Variants in KCND2 observed in about 807,000 individuals in gnomAD.
The protein encoded by KCND2 is A-type voltage-gated potassium channel KCND2.
KCND2 carries 16 observed loss-of-function variants against 54.4 expected under a neutral mutation model. The ratio of observed to expected loss-of-function variants is 0.29; its 90% CI spans 0.20 to 0.45. KCND2 has a LOEUF of 0.45. Ranked by LOEUF, KCND2 falls within the 20% of genes least tolerant of loss-of-function variation. The pLI, the probability that KCND2 is intolerant of heterozygous loss-of-function variation, is 1.00. For synonymous variants in KCND2, 317 were observed against 310.7 expected, an observed-to-expected ratio of 1.02 and a Z score of -0.21; for missense variants, 486 against 824.2, an observed-to-expected ratio of 0.59 and a Z score of 5.02.
intron 1 of KCND2, among the ~76,000 whole-genome samples, chr7:120,392,685 G>A (rs956991699): frequency 1.3e-5 from 2 of 151,792 alleles, no homozygotes; most frequent in African/African-American, 4.8e-5. Flanking sequence ...TTTCCTTACT[G>A]GAGTGATTCT....
intron 1 of KCND2, among the ~76,000 whole-genome samples, chr7:120,719,010 G>A (rs1792636915): frequency 6.6e-6 from 1 of 152,058 alleles, no homozygotes; most frequent in East Asian, 1.9e-4. Context: ...ATTGAACCAA[G>A]TGTTCAATTT....
At chr7:120,522,197 G>A in intron 1 of KCND2, among the ~76,000 whole-genome samples, 1 of 152,096 alleles carries the variant, frequency 6.6e-6, no homozygotes, top group East Asian at 1.9e-4. Context: ...CTGTTGGCAG[G>A]AAGTGAAATT....
At chr7:120,481,852 A>T (rs1383038640) in intron 1 of KCND2, among the ~76,000 whole-genome samples, 1 of 152,218 alleles carries the variant, frequency 6.6e-6, no homozygotes, top group Non-Finnish European at 1.5e-5. Context: ...CTTCACCTAG[A>T]TTTCAAAGGA....
chr7:120,574,557 T>C (rs1584834350), intron 1 of KCND2, among the ~76,000 whole-genome samples: 1 of 152,198 alleles, frequency 6.6e-6, no homozygotes, highest in East Asian at 1.9e-4. Context: ...CATAAACTTC[T>C]AGACTGGTGG....
At chr7:120,621,654 AT>A (rs1793100758) in intron 1 of KCND2, among the ~76,000 whole-genome samples, 1 of 152,238 alleles carries the variant, frequency 6.6e-6, no homozygotes, top group Non-Finnish European at 1.5e-5. Context: ...GATTTTTTAA[AT>A]AAAAAATGAA....
At chr7:120,276,380 G>A (rs969524753) in intron 1 of KCND2, among the ~76,000 whole-genome samples, 3 of 152,100 alleles carry the variant, frequency 2.0e-5, no homozygotes, top group African/African-American at 7.2e-5. Context: ...TCTACAATAT[G>A]CAGTGGAATT....
At chr7:120,476,381 T>C (rs7798075) in intron 1 of KCND2, among the ~76,000 whole-genome samples, 42,940 of 152,084 alleles carry the variant, frequency 0.28, 8,905 homozygotes, top group African/African-American at 0.57. Flanking sequence ...AAATCCTTGT[T>C]TTTGTTCAGT....
intron 1 of KCND2, among the ~76,000 whole-genome samples, chr7:120,415,813 C>T (rs111553989): frequency 1.2e-3 from 179 of 152,288 alleles, no homozygotes; most frequent in African/African-American, 3.9e-3. Context: ...TGTTCAGAAG[C>T]ACATCAAATT....
At chr7:120,571,288 A>G (rs1404921935) in intron 1 of KCND2, among the ~76,000 whole-genome samples, 1 of 152,212 alleles carries the variant, frequency 6.6e-6, no homozygotes, top group Non-Finnish European at 1.5e-5. Context: ...ATATGAATTA[A>G]AGAGAGAAAA....
intron 1 of KCND2, among the ~76,000 whole-genome samples, chr7:120,474,809 T>C (rs1312427217): frequency 6.6e-6 from 1 of 152,180 alleles, no homozygotes; most frequent in Non-Finnish European, 1.5e-5. Context: ...TATTTGTTTC[T>C]CTATATATTG....
At chr7:120,553,011 C>T (rs1192724505) in intron 1 of KCND2, among the ~76,000 whole-genome samples, 4 of 152,252 alleles carry the variant, frequency 2.6e-5, no homozygotes, top group African/African-American at 9.6e-5. Context: ...ATTAACGTAT[C>T]CATCACCTCA....
At chr7:120,708,910 G>T (rs1036813179) in intron 1 of KCND2, among the ~76,000 whole-genome samples, 4 of 152,012 alleles carry the variant, frequency 2.6e-5, no homozygotes, top group Non-Finnish European at 2.9e-5. Flanking sequence ...TGTTTACCCA[G>T]TAGGCTCTAT....
Position 120,466,782 on chromosome 7 carries a change from G to A in KCND2, c.1115+191035G>A, listed in dbSNP as rs113482304. 9.5e-3 allele frequency among the ~76,000 whole-genome samples: 1,451 copies of A among 152,192 alleles called. 26 individuals are homozygous for A. The highest frequency in any genetic ancestry group is 0.033 in the African/African-American group (1,377 of 41,526). On this transcript the variant is annotated intron_variant, in intron 1 of 5. Transcript: ENST00000331113. ...TCTGATATCCAGAAGTCTGAAATGA[G>A]TCTTATGCGTCTAAAACCAAGGTAC...
intron 1 of KCND2, among the ~76,000 whole-genome samples, chr7:120,617,995 A>C (rs575661345): frequency 1.4e-4 from 21 of 151,960 alleles, no homozygotes; most frequent in Non-Finnish European, 2.6e-4. Context: ...AACAACAAAC[A>C]CCAGAGCCTA....
intron 1 of KCND2, among the ~76,000 whole-genome samples, chr7:120,676,257 A>T (rs1792059502): frequency 6.6e-6 from 1 of 152,144 alleles, no homozygotes; most frequent in South Asian, 2.1e-4. Context: ...AATTTTATTT[A>T]ACTTTTTGGT....
chr7:120,424,080 A>T (rs1019836286), intron 1 of KCND2, among the ~76,000 whole-genome samples: 6 of 152,186 alleles, frequency 3.9e-5, no homozygotes, highest in Non-Finnish European at 8.8e-5. Context: ...TTTTCTCTAA[A>T]TCCTGGCTAT....
intron 1 of KCND2, among the ~76,000 whole-genome samples, chr7:120,532,846 A>G (rs193087052): frequency 2.4e-3 from 372 of 152,098 alleles, no homozygotes; most frequent in Non-Finnish European, 3.9e-3. Context: ...AAATGCTCAC[A>G]GGGAAATATA....
In KCND2 at chr7:120,275,225, C is replaced by A; in HGVS notation, c.593C>A (p.Ser198Tyr). Residue 198 changes from serine to tyrosine, a missense_variant, in exon 1 of 6, where the codon TCT becomes TAT. By Grantham distance (144) the Ser-to-Tyr change is moderately radical. This residue lies in a region of KCND2 where 231 missense variants were observed against 386.0 expected (regional missense o/e 0.60). Transcript: ENST00000331113. Reference sequence around the variant, plus strand: ...GTCACGGGGTTTTTCATTGCCGTCTCTGTCATCGCGAATGTGGTGGAAACA... The same window carrying A: ...GTCACGGGGTTTTTCATTGCCGTCTATGTCATCGCGAATGTGGTGGAAACA... ...YYVTGFFIAV[S>Y]VIANVVETVP... is the part of the protein sequence containing the mutation. The A allele has an allele frequency of 6.2e-7, 1 of 1,613,948 alleles. No homozygotes were observed.
intron 1 of KCND2, among the ~76,000 whole-genome samples, chr7:120,427,670 T>A (rs1207872376): frequency 6.6e-6 from 1 of 152,244 alleles, no homozygotes; most frequent in Non-Finnish European, 1.5e-5. Flanking sequence ...TCCATATTTA[T>A]AAGATACTTT....
Sources: allele counts gnomAD v4.1 joint callset (sites outside exome capture counted in the v4.1 genomes callset), GRCh38; gene constraint gnomAD v4.1.1; regional missense constraint gnomAD v4.1.1; transcripts MANE v1.5; gene names NCBI Gene and HGNC (gene_info 2026-07-23, HGNC 2026-07-21).